Variants in PPP2R2B observed in about 807,000 individuals in gnomAD.
PPP2R2B encodes serine/threonine-protein phosphatase 2A 55 kDa regulatory subunit B beta isoform.
Under a neutral mutation model 46.0 loss-of-function variants are expected in PPP2R2B, and 5 were observed. That is an observed-to-expected ratio of 0.11 (90% CI 0.06 to 0.23). The LOEUF is 0.23. Ranked by LOEUF, PPP2R2B falls within the 10% of genes least tolerant of loss-of-function variation. The probability of loss-of-function intolerance (pLI) is 1.00; values close to 1 mark genes in which losing one functional copy is unlikely to be tolerated. For missense variants in PPP2R2B, 367 were observed against 575.0 expected (o/e 0.64, Z 3.70); for synonymous variants, 215 against 206.7 (o/e 1.04, Z -0.34).
At chr5:146,867,255 C>A (rs1358748767) in intron 2 of PPP2R2B, among the ~76,000 whole-genome samples, 1 of 152,146 alleles carries the variant, frequency 6.6e-6, no homozygotes, top group East Asian at 1.9e-4. Flanking sequence ...TCTTGTTCAA[C>A]CTCAAGGAAA....
At chr5:147,052,637 G>T (rs1443386414) in intron 1 of PPP2R2B, among the ~76,000 whole-genome samples, 1 of 152,164 alleles carries the variant, frequency 6.6e-6, no homozygotes, top group African/African-American at 2.4e-5. Context: ...GGAGAATTTT[G>T]AGGAACCAAA....
At chr5:146,741,324 A>AT (rs766936721) in intron 2 of PPP2R2B, among the ~76,000 whole-genome samples, 1 of 152,096 alleles carries the variant, frequency 6.6e-6, no homozygotes, top group Non-Finnish European at 1.5e-5. Flanking sequence ...AATGAAACTG[A>AT]TTTTTTTCAC....
At chr5:146,663,009 A>T (rs896341460) in intron 5 of PPP2R2B, among the ~76,000 whole-genome samples, 1 of 152,178 alleles carries the variant, frequency 6.6e-6, no homozygotes, top group Non-Finnish European at 1.5e-5. Flanking sequence ...AATCTGATGA[A>T]TCTTTTAATT....
At chr5:146,693,639 T>G (rs189361828) in intron 4 of PPP2R2B, among the ~76,000 whole-genome samples, 1 of 152,232 alleles carries the variant, frequency 6.6e-6, no homozygotes, top group African/African-American at 2.4e-5. Flanking sequence ...ATATCCCATA[T>G]AGTTCAATCT....
At chr5:146,662,646 T>C (rs1286326547) in intron 5 of PPP2R2B, among the ~76,000 whole-genome samples, 1 of 152,202 alleles carries the variant, frequency 6.6e-6, no homozygotes, top group Non-Finnish European at 1.5e-5. Context: ...GGTATTCTAT[T>C]ATACAAACAC....
At chr5:146,730,801 A>G (rs1342139254) in intron 2 of PPP2R2B, among the ~76,000 whole-genome samples, 1 of 152,180 alleles carries the variant, frequency 6.6e-6, no homozygotes, top group Non-Finnish European at 1.5e-5. Flanking sequence ...AGTCTTGGGT[A>G]TGTCTTCATC....
intron 1 of PPP2R2B, among the ~76,000 whole-genome samples, chr5:147,031,685 C>G (rs1755793103): frequency 6.6e-6 from 1 of 151,980 alleles, no homozygotes; most frequent in Admixed American, 6.6e-5. Flanking sequence ...ATTTTCTATC[C>G]TTTATACTTA....
At chr5:146,595,402 G>A (rs529479114) in intron 8 of PPP2R2B, among the ~76,000 whole-genome samples, 30 of 152,194 alleles carry the variant, frequency 2.0e-4, no homozygotes, top group African/African-American at 6.5e-4. Context: ...ATTCACCTTC[G>A]GCATTTTGTC....
chr5:146,893,488 T>C (rs1020737737), intron 1 of PPP2R2B, among the ~76,000 whole-genome samples: 3 of 152,154 alleles, frequency 2.0e-5, no homozygotes, highest in African/African-American at 7.2e-5. Context: ...CAGTCAGGTG[T>C]CATGTCCTAT....
intron 2 of PPP2R2B, chr5:146,707,660 A>G (rs976356324): frequency 5.3e-6 from 3 of 567,690 alleles, no homozygotes; most frequent in African/African-American, 1.9e-5. Flanking sequence ...AGGAGTGGAG[A>G]AGCTGCTTCT....
At chr5:146,643,886 C>A (rs1775396637) in intron 6 of PPP2R2B, among the ~76,000 whole-genome samples, 1 of 152,166 alleles carries the variant, frequency 6.6e-6, no homozygotes, top group Non-Finnish European at 1.5e-5. Context: ...TCCATAAGGA[C>A]CATGCAGCAA....
chr5:146,729,453 G>A (rs1561862837), intron 2 of PPP2R2B, among the ~76,000 whole-genome samples: 1 of 152,226 alleles, frequency 6.6e-6, no homozygotes, highest in South Asian at 2.1e-4. Flanking sequence ...GCAGTAATTT[G>A]CATAAGTAGC....
At chr5:146,762,131 C>T (rs566158916) in intron 2 of PPP2R2B, among the ~76,000 whole-genome samples, 3 of 152,292 alleles carry the variant, frequency 2.0e-5, no homozygotes, top group Admixed American at 1.3e-4. Flanking sequence ...ACAACATGCT[C>T]TTGGGACTGG....
chr5:146,729,681 T>C (rs1056481388), intron 2 of PPP2R2B, among the ~76,000 whole-genome samples: 1 of 152,206 alleles, frequency 6.6e-6, no homozygotes, highest in Admixed American at 6.5e-5. Flanking sequence ...ACATACAGCT[T>C]GGGCCTGCGG....
chr5:146,809,683 G>C (rs1008982230), intron 2 of PPP2R2B, among the ~76,000 whole-genome samples: 4 of 152,176 alleles, frequency 2.6e-5, no homozygotes, highest in African/African-American at 9.7e-5. Flanking sequence ...ATCTTGCGAG[G>C]TGAGTCTTGG....
chr5:147,038,889 A>G (rs1370723290), intron 1 of PPP2R2B, among the ~76,000 whole-genome samples: 1 of 152,194 alleles, frequency 6.6e-6, no homozygotes, highest in East Asian at 1.9e-4. Context: ...CAAGTTTTCT[A>G]ACTGCTAAGA....
intron 9 of PPP2R2B, 47 bp from the exon 10 acceptor site, chr5:146,590,273 C>A (rs1316821107): frequency 1.4e-6 from 2 of 1,477,432 alleles, no homozygotes; most frequent in African/African-American, 2.4e-5. Flanking sequence ...ACTGTCTTTT[C>A]TTTTTGGAGC....
chr5:146,775,779 G>T (rs1205838013), intron 2 of PPP2R2B, among the ~76,000 whole-genome samples: 3 of 152,044 alleles, frequency 2.0e-5, no homozygotes, highest in Non-Finnish European at 4.4e-5. Context: ...AATGAATTCA[G>T]CAAAGTTGCA....
chr5:146,866,409 C>G (rs918835849), intron 2 of PPP2R2B, among the ~76,000 whole-genome samples: 2 of 152,162 alleles, frequency 1.3e-5, no homozygotes, highest in Non-Finnish European at 2.9e-5. Context: ...GACACAAATT[C>G]TCTAAGCCTC....
Sources: gnomAD v4.1 joint callset for allele counts (sites outside exome capture counted in the v4.1 genomes callset) on GRCh38, gnomAD v4.1.1 for gene constraint, MANE v1.5 for transcripts, NCBI Gene and HGNC (gene_info 2026-07-23, HGNC 2026-07-21) for gene names.